USP32: variants seen among roughly 807,000 people sequenced by gnomAD.
USP32 encodes ubiquitin carboxyl-terminal hydrolase 32.
A neutral mutation model predicts 204.8 loss-of-function variants in USP32; 59 were observed. The ratio of observed to expected loss-of-function variants is 0.29; its 90% CI spans 0.23 to 0.36. USP32 has a LOEUF of 0.36. USP32 is among the 10% of genes least tolerant of loss of function. The probability of loss-of-function intolerance (pLI) is 1.00; values close to 1 mark genes in which losing one functional copy is unlikely to be tolerated. For missense variants in USP32, 1,160 were observed against 1,946.4 expected (o/e 0.60, Z 7.60); for synonymous variants, 517 against 678.4 (o/e 0.76, Z 3.70).
intron 1 of USP32, among the ~76,000 whole-genome samples, chr17:60,366,320 A>G (rs915637880): frequency 6.6e-6 from 1 of 151,964 alleles, no homozygotes; most frequent in African/African-American, 2.4e-5. Context: ...CACCAGGCCC[A>G]GCTAATTTTT....
intron 1 of USP32, among the ~76,000 whole-genome samples, chr17:60,420,043 A>C (rs1280780694): frequency 6.8e-6 from 1 of 146,930 alleles, no homozygotes; most frequent in African/African-American, 2.5e-5. Flanking sequence ...TATTTTTAGT[A>C]TTTTTATTTT....
intron 27 of USP32, among the ~76,000 whole-genome samples, chr17:60,194,965 T>C (rs919523971): frequency 1.3e-5 from 2 of 152,216 alleles, no homozygotes; most frequent in Non-Finnish European, 2.9e-5. Flanking sequence ...TTCAAATTTA[T>C]TGACATAAAC....
intron 3 of USP32, among the ~76,000 whole-genome samples, chr17:60,299,943 G>A (rs1202942933): frequency 6.6e-6 from 1 of 152,042 alleles, no homozygotes; most frequent in African/African-American, 2.4e-5. Flanking sequence ...TTTTATTAGG[G>A]CACTTAATCT....
rs376867266 is a variant in USP32, at chr17:60,367,062, T to C, written c.59-21454A>G. The stretch of plus-strand genomic sequence containing the variant: ...CAGGATGGTCTCAATCTCCTGACCT[T>C]GTGATCCGCCCCCCTTGGCCTCCCA... On this transcript the variant is annotated intron_variant, in intron 1 of 33. Transcript: ENST00000300896. 1.1e-4 allele frequency among the ~76,000 whole-genome samples: 17 copies of C among 152,014 alleles called. No homozygotes were observed. In the East Asian group the frequency reaches 2.3e-3, roughly 21 times the overall value.
rs761800769 is a variant in USP32 at position 60,265,460 on chromosome 17, A to C, written c.942T>G (p.Asp314Glu). 2.4e-5 allele frequency: 39 copies of C among 1,601,952 alleles called. 1 individual carries two copies. Among genetic ancestry groups the C allele is most frequent in the South Asian group, 4.4e-5 (4 of 90,534 alleles). ...GTATGCCTTCTACAATATCAGAGAG[A>C]TCCATATGTAATTCCTTTAAAAATA... ...RTDDIPELHM[D>E]LSDIVEGILN... The change falls in exon 9 of 34, where the codon GAT (aspartate) becomes GAG (glutamate). Residue 314 changes from aspartate (D) to glutamate (E), a missense_variant. Physicochemically the swap from Asp to Glu is conservative, Grantham distance 45. Transcript: ENST00000300896.
chr17:60,253,414 T>G (rs1198455625), intron 10 of USP32, among the ~76,000 whole-genome samples: 2 of 142,472 alleles, frequency 1.4e-5, no homozygotes, highest in African/African-American at 5.1e-5. Context: ...ATAGTTTAAT[T>G]AAAAAAAAAA....
At chr17:60,295,221 T>C (rs1168664276) in intron 3 of USP32, among the ~76,000 whole-genome samples, 1 of 151,190 alleles carries the variant, frequency 6.6e-6, no homozygotes, top group Non-Finnish European at 1.5e-5. Context: ...TGAAATACTG[T>C]TTGTAAGAGC....
chr17:60,287,267 C>T (rs1254937482), intron 5 of USP32, among the ~76,000 whole-genome samples: 1 of 152,174 alleles, frequency 6.6e-6, no homozygotes, highest in Admixed American at 6.5e-5. Flanking sequence ...CTTCCTTAAC[C>T]AATTGCAAAT....
intron 2 of USP32, among the ~76,000 whole-genome samples, chr17:60,302,095 T>C (rs985829888): frequency 6.7e-6 from 1 of 148,492 alleles, no homozygotes; most frequent in Non-Finnish European, 1.5e-5. Context: ...TGAGCACATA[T>C]ATATAAATAT....
At chr17:60,324,580 C>A (rs1405635250) in intron 2 of USP32, among the ~76,000 whole-genome samples, 1 of 152,076 alleles carries the variant, frequency 6.6e-6, no homozygotes, top group Non-Finnish European at 1.5e-5. Flanking sequence ...ACCTTTGATA[C>A]TTTATCTTTT....
intron 1 of USP32, among the ~76,000 whole-genome samples, chr17:60,366,147 T>C (rs999224460): frequency 4.0e-5 from 6 of 151,194 alleles, no homozygotes; most frequent in Admixed American, 2.0e-4. Flanking sequence ...CGGGCTAAGT[T>C]TTTTTTCTTT....
At chr17:60,390,506 C>A (rs1221736872) in intron 1 of USP32, among the ~76,000 whole-genome samples, 1 of 152,050 alleles carries the variant, frequency 6.6e-6, no homozygotes, top group Non-Finnish European at 1.5e-5. Flanking sequence ...ATGAGATTGT[C>A]CATAAAAACA....
intron 5 of USP32, among the ~76,000 whole-genome samples, chr17:60,277,592 ATT>A (rs1209522610): frequency 7.9e-5 from 12 of 152,262 alleles, no homozygotes; most frequent in Non-Finnish European, 1.5e-5. Context: ...TAATATACAT[ATT>A]GTTAGTTGAA....
At chr17:60,421,878 C>T (rs959896231) in intron 1 of USP32, 3 of 985,326 alleles carry the variant, frequency 3.0e-6, no homozygotes, top group Admixed American at 1.2e-4. Context: ...GGGACTTGCC[C>T]GCGTCTCAGC....
chr17:60,392,289 C>G (rs2089855247), upstream of USP32: 1 of 371,948 alleles, frequency 2.7e-6, no homozygotes, highest in Non-Finnish European at 4.9e-6. Flanking sequence ...AGACACTGTT[C>G]CCGGTAACGG....
At chr17:60,302,201 T>C (rs1052605525) in intron 2 of USP32, among the ~76,000 whole-genome samples, 1 of 152,064 alleles carries the variant, frequency 6.6e-6, no homozygotes, top group Admixed American at 6.6e-5. Context: ...AATGGCGTCA[T>C]CTTGGCTCAC....
intron 11 of USP32, among the ~76,000 whole-genome samples, chr17:60,240,815 T>A (rs1238991713): frequency 1.3e-5 from 2 of 152,220 alleles, no homozygotes; most frequent in Non-Finnish European, 2.9e-5. Context: ...TTCTATTATA[T>A]GCCTCAATTA....
chr17:60,287,377 A>G (rs544024883), intron 5 of USP32, among the ~76,000 whole-genome samples: 9 of 152,334 alleles, frequency 5.9e-5, no homozygotes, highest in African/African-American at 2.2e-4. Flanking sequence ...AGTATCCTCC[A>G]TGTATTGATT....
In USP32 at chr17:60,388,724, C is replaced by A. The variant is rs189051426; in HGVS notation, c.58+3158G>T. ...AAAATAAAAGCTACCAGTAATACAT[C>A]TCCCTAACAGTGTTTAAATGTACAC... On this transcript the variant is annotated intron_variant, in intron 1 of 33. Coordinates refer to ENST00000300896, the MANE Select transcript of USP32 (RefSeq NM_032582.4). Among the ~76,000 whole-genome samples the A allele has an allele frequency of 2.2e-3, 330 of 151,920 alleles. 3 individuals are homozygous for A. The highest frequency in any genetic ancestry group is 7.6e-3 in the African/African-American group (311 of 41,176).
Sources: allele counts gnomAD v4.1 joint callset (sites outside exome capture counted in the v4.1 genomes callset), GRCh38; gene constraint gnomAD v4.1.1; transcripts MANE v1.5; gene names NCBI Gene and HGNC (gene_info 2026-07-23, HGNC 2026-07-21).